The following SLC30A5 variants were observed in gnomAD, a reference collection of about 807,000 sequenced individuals.
SLC30A5 encodes solute carrier family 30 member 5, also known as proton-coupled zinc antiporter SLC30A5.
In SLC30A5, 33 loss-of-function variants were observed where a neutral mutation model predicts 79.6. The observed-to-expected ratio is 0.41, with a 90% CI of 0.31 to 0.55. The LOEUF is 0.55. SLC30A5 is among the 20% of genes least tolerant of loss of function. SLC30A5 has a pLI of 0.20. For synonymous variants in SLC30A5, 299 were observed against 319.7 expected, an observed-to-expected ratio of 0.94 and a Z score of 0.69; for missense variants, 788 against 928.1, an observed-to-expected ratio of 0.85 and a Z score of 1.96.
intron 4 of SLC30A5, among the ~76,000 whole-genome samples, chr5:69,105,507 A>AC (rs1746056620): frequency 6.6e-6 from 1 of 152,096 alleles, no homozygotes; most frequent in African/African-American, 2.4e-5. Context: ...CGAGTTGGAG[A>AC]CCACCCTAGC....
At chr5:69,106,442 C>T (rs449607) in intron 4 of SLC30A5, among the ~76,000 whole-genome samples, 29,095 of 151,938 alleles carry the variant, frequency 0.19, 3,050 homozygotes, top group East Asian at 0.38. Context: ...GTACTTACAT[C>T]TTTACTTGGT....
intron 8 of SLC30A5, 150 bp from the exon 9 acceptor site, chr5:69,115,776 A>G: frequency 1.4e-6 from 1 of 716,786 alleles, no homozygotes; most frequent in East Asian, 2.7e-5. Flanking sequence ...GAGAAAATGT[A>G]CCAATATCTT....
Position 69,117,284 on chromosome 5 carries a change from C to G in SLC30A5, c.1327C>G (p.Leu443Val). Residue 443 changes from leucine to valine, a missense_variant, in exon 11 of 16, where the codon CTG becomes GTG. By Grantham distance (32) the Leu-to-Val change is conservative (BLOSUM62 1). Around this residue, in one of 3 missense-constraint regions of SLC30A5, gnomAD observed 626 missense variants for 755.5 expected, o/e 0.83. Coordinates refer to ENST00000396591, the MANE Select transcript of SLC30A5 (RefSeq NM_022902.5). ...ATTCTATGGCGTGCTGACCAATAGT[C>G]TGGGCCTGATCTCGGATGGATTCCA... ...ELFYGVLTNS[L>V]GLISDGFHML... 1 of 1,613,644 alleles carries G rather than the reference C, an allele frequency of 6.2e-7. No individual in the cohort carries two copies. The highest frequency in any genetic ancestry group is 8.5e-7 in the Non-Finnish European group (1 of 1,179,902).
intron 4 of SLC30A5, among the ~76,000 whole-genome samples, 190 bp from the exon 5 acceptor site, chr5:69,108,159 G>A (rs1434230656): frequency 6.6e-6 from 1 of 152,190 alleles, no homozygotes; most frequent in Non-Finnish European, 1.5e-5. Context: ...GTATGATTAG[G>A]TATTTGTAGC....
At chr5:69,112,343 A>G (rs1746257053) in intron 5 of SLC30A5, among the ~76,000 whole-genome samples, 1 of 152,122 alleles carries the variant, frequency 6.6e-6, no homozygotes, top group South Asian at 2.1e-4. Context: ...TCTTGAAGCT[A>G]CCATTCTGAA....
At chr5:69,124,292 T>A (rs982092273) in intron 14 of SLC30A5, among the ~76,000 whole-genome samples, 1 of 149,282 alleles carries the variant, frequency 6.7e-6, no homozygotes, top group Non-Finnish European at 1.5e-5. Context: ...TAATAAAAAA[T>A]GAAAATAAAT....
chr5:69,113,325 A>G lies in SLC30A5; in HGVS notation c.535+98A>G. On this transcript the variant is annotated intron_variant, in intron 6 of 15. Coordinates refer to ENST00000396591, the MANE Select transcript of SLC30A5 (RefSeq NM_022902.5). Reference sequence around the variant, plus strand: ...AAAGGATAAGTGAATTAAACTGATCAATGATGAATGAAACTTTCATAGATT... The same window carrying G: ...AAAGGATAAGTGAATTAAACTGATCGATGATGAATGAAACTTTCATAGATT... 2 of 784,602 alleles carry G rather than the reference A, an allele frequency of 2.5e-6. 1 individual carries two copies. The highest frequency in any genetic ancestry group is 3.7e-5 in the South Asian group (2 of 54,346). 48.6% of individuals were successfully genotyped at this position (784,602 alleles called of 1,614,324 possible).
Position 69,113,055 on chromosome 5 carries a change from G to A in SLC30A5, c.448-85G>A, listed in dbSNP as rs997686710. On this transcript the variant is annotated intron_variant, in intron 5 of 15. Transcript: ENST00000396591. The stretch of plus-strand genomic sequence containing the variant: ...TTTGTAAATGCTTACTTGAGAAAAT[G>A]TTTTTCTTTAGTATTTATGTAGTTA... 147 of 1,066,536 alleles carry A rather than the reference G, an allele frequency of 1.4e-4. 1 individual carries two copies. In the East Asian group the frequency reaches 2.0e-3, roughly 14 times the overall value. 66.1% of individuals were successfully genotyped at this position (1,066,536 alleles called of 1,614,324 possible).
chr5:69,109,518 T>C (rs1416815778), intron 5 of SLC30A5, among the ~76,000 whole-genome samples: 3 of 151,532 alleles, frequency 2.0e-5, no homozygotes, highest in Non-Finnish European at 2.9e-5. Flanking sequence ...ACAAGCAAGA[T>C]ATAGAACTGA....
chr5:69,109,404 C>G (rs1040366214), intron 5 of SLC30A5, among the ~76,000 whole-genome samples: 35 of 151,122 alleles, frequency 2.3e-4, no homozygotes, highest in African/African-American at 8.3e-4. Context: ...AGACCTTACT[C>G]AGATTTTACC....
At chr5:69,099,398 T>C (rs1486053802) in intron 1 of SLC30A5, among the ~76,000 whole-genome samples, 1 of 152,224 alleles carries the variant, frequency 6.6e-6, no homozygotes, top group Non-Finnish European at 1.5e-5. Context: ...TCCTTGTTTT[T>C]CCTAAAAACA....
chr5:69,123,282 T>A lies in SLC30A5; in HGVS notation c.1855T>A (p.Phe619Ile), dbSNP rs746488388. ...AGTTCTTATAGAGCAGTTTGGATGG[T>A]TCATCGCTGACCCACTCTGTTCTCT... The part of the protein sequence containing the change: ...STVLIEQFGW[F>I]IADPLCSLFI... Residue 619 changes from phenylalanine (F) to isoleucine (I), a missense_variant, in exon 14 of 16, where the codon TTC (phenylalanine) becomes ATC (isoleucine). Physicochemically the swap from Phe to Ile is conservative, Grantham distance 21. Transcript: ENST00000396591. The A allele has an allele frequency of 6.2e-7, 1 of 1,614,104 alleles. No individual in the cohort carries two copies. The highest frequency in any genetic ancestry group is 2.2e-5 in the East Asian group (1 of 44,874).
At chr5:69,113,118 A>G (rs367877258) in intron 5 of SLC30A5, 22 bp from the exon 6 acceptor site, 136 of 1,593,616 alleles carry the variant, frequency 8.5e-5, no homozygotes, top group Non-Finnish European at 1.1e-4. Context: ...GTCATCCTTG[A>G]TGTTGTTTTC....
At chr5:69,113,259 A>G (rs1160524428) in intron 6 of SLC30A5, 32 bp downstream of exon 6, 32 of 1,555,726 alleles carry the variant, frequency 2.1e-5, no homozygotes, top group Non-Finnish European at 2.7e-5. Flanking sequence ...GAGTTGTTTC[A>G]AGTCTTGAGG....
At chr5:69,122,677 A>C (rs1746568680) in intron 13 of SLC30A5, among the ~76,000 whole-genome samples, 2 of 152,114 alleles carry the variant, frequency 1.3e-5, no homozygotes, top group African/African-American at 4.8e-5. Flanking sequence ...ATGAAAATAT[A>C]TTTGTTCTTA....
chr5:69,104,547 A>T (rs1333501052), intron 3 of SLC30A5, 84 bp from the exon 4 acceptor site: 4 of 1,429,112 alleles, frequency 2.8e-6, no homozygotes, highest in African/African-American at 3.0e-5. Flanking sequence ...TGTTATTATT[A>T]TCTTTCTGTA....
chr5:69,128,981 C>CTGTT lies in SLC30A5; in HGVS notation c.2128-452_2128-449dup, dbSNP rs1016494954. Among the ~76,000 whole-genome samples the CTGTT allele has an allele frequency of 5.3e-5, 8 of 152,128 alleles. No individual in the cohort carries two copies. In the East Asian group the frequency reaches 5.8e-4, roughly 11 times the overall value. ...GAAGATTTATCTTGGACTACTGTAACTGTTTGTTTGTTTGTTTACTCATTC... is the reference window on the plus strand; with the variant it reads ...GAAGATTTATCTTGGACTACTGTAACTGTTTGTTTGTTTGTTTGTTTACTCATTC... On this transcript the variant is annotated intron_variant, in intron 15 of 15. Coordinates refer to ENST00000396591, the MANE Select transcript of SLC30A5 (RefSeq NM_022902.5).
At chr5:69,107,820 C>T (rs1412412644) in intron 4 of SLC30A5, among the ~76,000 whole-genome samples, 1 of 151,920 alleles carries the variant, frequency 6.6e-6, no homozygotes, top group African/African-American at 2.4e-5. Flanking sequence ...GCAACCTCCA[C>T]CTCCCGAGTT....
chr5:69,094,573 GCAGA>G (rs1260111697), intron 1 of SLC30A5, among the ~76,000 whole-genome samples: 7 of 152,118 alleles, frequency 4.6e-5, no homozygotes, highest in Admixed American at 6.5e-5. Context: ...GGGTTACAAG[GCAGA>G]CAGTCAGTCT....
Sources: gnomAD v4.1 joint callset for allele counts (sites outside exome capture counted in the v4.1 genomes callset) on GRCh38, gnomAD v4.1.1 for gene constraint, gnomAD v4.1.1 regional missense constraint, MANE v1.5 for transcripts, NCBI Gene and HGNC (gene_info 2026-07-23, HGNC 2026-07-21) for gene names.